The following RBFOX1 variants were observed in gnomAD, a reference collection of about 807,000 sequenced individuals.
The protein encoded by RBFOX1 is RNA binding protein fox-1 homolog 1.
In RBFOX1, 8 loss-of-function variants were observed where a neutral mutation model predicts 57.7. The ratio of observed to expected loss-of-function variants is 0.14; its 90% CI spans 0.08 to 0.25. RBFOX1 has a LOEUF of 0.25. Ranked by LOEUF, RBFOX1 falls within the 10% of genes least tolerant of loss-of-function variation. The pLI is 1.00. For synonymous variants in RBFOX1, 326 were observed against 222.4 expected, an observed-to-expected ratio of 1.47 and a Z score of -4.15; for missense variants, 611 against 548.5, an observed-to-expected ratio of 1.11 and a Z score of -1.14.
chr16:6,627,454 C>T (rs1033579362), intron 2 of RBFOX1, among the ~76,000 whole-genome samples: 1 of 152,120 alleles, frequency 6.6e-6, no homozygotes, highest in Non-Finnish European at 1.5e-5. Context: ...AGAAAAGTCT[C>T]TATGATGTTG....
chr16:6,539,918 A>G (rs1275035738), intron 2 of RBFOX1, among the ~76,000 whole-genome samples: 1 of 152,024 alleles, frequency 6.6e-6, no homozygotes, highest in Non-Finnish European at 1.5e-5. Context: ...CCACCAAGGC[A>G]AGGTAACTTT....
At chr16:6,673,938 G>A (rs1471535762) in intron 3 of RBFOX1, among the ~76,000 whole-genome samples, 6 of 152,170 alleles carry the variant, frequency 3.9e-5, no homozygotes, top group Admixed American at 3.9e-4. Flanking sequence ...CAGGTGGAAT[G>A]GATCTGCACA....
At chr16:7,254,498 C>CT (rs72529074) in intron 4 of RBFOX1, among the ~76,000 whole-genome samples, 68,882 of 150,828 alleles carry the variant, frequency 0.46, 16,068 homozygotes, top group Middle Eastern at 0.54. Context: ...CTCTCTCTCT[C>CT]TTTTTTTTTA....
At chr16:6,104,069 C>G (rs1040636924) in intron 1 of RBFOX1, among the ~76,000 whole-genome samples, 27 of 152,072 alleles carry the variant, frequency 1.8e-4, no homozygotes, top group Non-Finnish European at 3.4e-4. Flanking sequence ...ATTGTCCACT[C>G]TATCCTGAAT....
intron 3 of RBFOX1, among the ~76,000 whole-genome samples, chr16:6,667,447 G>T (rs919897089): frequency 6.6e-6 from 1 of 152,094 alleles, no homozygotes; most frequent in South Asian, 2.1e-4. Flanking sequence ...TGGCTTCCTG[G>T]TTATTTAACC....
chr16:5,391,596 G>T (rs539052495), intron 1 of RBFOX1, among the ~76,000 whole-genome samples: 221 of 152,192 alleles, frequency 1.5e-3, no homozygotes, highest in South Asian at 3.1e-3. Flanking sequence ...CTGAAATCAA[G>T]CTATCTCCAG....
At chr16:5,535,599 G>A (rs539214228) in intron 2 of RBFOX1, among the ~76,000 whole-genome samples, 1 of 152,162 alleles carries the variant, frequency 6.6e-6, no homozygotes, top group Non-Finnish European at 1.5e-5. Flanking sequence ...TCTCCCCACT[G>A]GGTCATGCTT....
chr16:6,018,976 C>T (rs369457270), upstream of RBFOX1: 67 of 613,762 alleles, frequency 1.1e-4, no homozygotes, highest in East Asian at 2.8e-3. Flanking sequence ...ACCGCGGCGG[C>T]GGCGGCGCTG....
chr16:5,938,820 G>T (rs2059222848), intron 4 of RBFOX1, among the ~76,000 whole-genome samples: 1 of 152,126 alleles, frequency 6.6e-6, no homozygotes, highest in Non-Finnish European at 1.5e-5. Context: ...GAACCACTCA[G>T]CTGAGCCTAG....
At chr16:7,051,214 A>C (rs983972522) in intron 3 of RBFOX1, among the ~76,000 whole-genome samples, 1 of 152,204 alleles carries the variant, frequency 6.6e-6, no homozygotes, top group South Asian at 2.1e-4. Context: ...AGTGGAGTCT[A>C]CCAGCTCCTG....
chr16:6,109,929 C>G (rs980642157), intron 1 of RBFOX1, among the ~76,000 whole-genome samples: 2 of 152,052 alleles, frequency 1.3e-5, no homozygotes, highest in Non-Finnish European at 2.9e-5. Context: ...CCAGTTGTAG[C>G]CCTGTGGTTT....
intron 4 of RBFOX1, among the ~76,000 whole-genome samples, chr16:7,377,143 C>T (rs1449184283): frequency 1.3e-5 from 2 of 152,174 alleles, no homozygotes; most frequent in African/African-American, 4.8e-5. Flanking sequence ...CCTTTTATAT[C>T]AGTTTAAATG....
At chr16:7,481,289 T>C (rs1413942929) in intron 4 of RBFOX1, among the ~76,000 whole-genome samples, 6 of 152,212 alleles carry the variant, frequency 3.9e-5, no homozygotes, top group African/African-American at 9.7e-5. Context: ...TTGTGGATAA[T>C]AGAAATCGCA....
At chr16:7,343,342 C>A (rs1028726958) in intron 4 of RBFOX1, among the ~76,000 whole-genome samples, 2 of 152,038 alleles carry the variant, frequency 1.3e-5, no homozygotes, top group African/African-American at 4.8e-5. Context: ...AGTGTCCAGG[C>A]AAGGGAGGAG....
Position 7,702,378 on chromosome 16 carries a change from C to G in RBFOX1, c.996-6678C>G, listed in dbSNP as rs373581966. ...CAGAATCCCCAAGAAGCTGAGGGGACCTCTCTGCAGTTGCAGAATTGCCAA... is the reference window on the plus strand; with the variant it reads ...CAGAATCCCCAAGAAGCTGAGGGGAGCTCTCTGCAGTTGCAGAATTGCCAA... On this transcript the variant is annotated intron_variant, in intron 14 of 15. Coordinates refer to ENST00000550418, the MANE Select transcript of RBFOX1 (RefSeq NM_018723.4). Among the ~76,000 whole-genome samples, 180 of 152,016 alleles carry G rather than the reference C, an allele frequency of 1.2e-3. 5 individuals carry two copies. In the South Asian group the frequency reaches 0.036, roughly 30 times the overall value.
At chr16:7,196,818 A>T (rs1040851711) in intron 4 of RBFOX1, among the ~76,000 whole-genome samples, 8 of 152,120 alleles carry the variant, frequency 5.3e-5, no homozygotes, top group African/African-American at 1.9e-4. Context: ...GATTTATGGA[A>T]GGGTGTTTCA....
Position 7,365,780 on chromosome 16 carries a change from G to C in RBFOX1, c.28-152367G>C, listed in dbSNP as rs527735420. ...AGAGATGTAAACACAACTCAAGTCA[G>C]TGTATGCAAAGTGATGACTCAACAG... On this transcript the variant is annotated intron_variant, in intron 4 of 15. Coordinates refer to ENST00000550418, the MANE Select transcript of RBFOX1 (RefSeq NM_018723.4). Among the ~76,000 whole-genome samples the C allele has an allele frequency of 1.5e-4, 23 of 152,334 alleles. 1 individual carries two copies. In the South Asian group the frequency reaches 4.8e-3, roughly 32 times the overall value.
rs78190209 is a variant in RBFOX1, at chr16:5,509,979, C to G, written c.258+42725C>G. ...GTGATGTCAGGGCACAAGTTCTGGG[C>G]TTGGAGCCAGAGTGCCTGTGTGCAG... On this transcript the variant is annotated intron_variant, in intron 2 of 2. Coordinates refer to the RBFOX1 transcript ENST00000585867. 7.8e-3 allele frequency among the ~76,000 whole-genome samples: 1,195 copies of G among 152,298 alleles called. 8 individuals are homozygous for G. Among genetic ancestry groups the G allele is most frequent in the Middle Eastern group, 0.014 (4 of 294 alleles).
chr16:7,525,933 T>A (rs2078602674), intron 5 of RBFOX1, among the ~76,000 whole-genome samples: 1 of 152,148 alleles, frequency 6.6e-6, no homozygotes, highest in African/African-American at 2.4e-5. Flanking sequence ...TCTCCAGCTG[T>A]CTTCTAAAAT....
Sources: gnomAD v4.1 joint callset for allele counts (sites outside exome capture counted in the v4.1 genomes callset) on GRCh38, gnomAD v4.1.1 for gene constraint, MANE v1.5 for transcripts, NCBI Gene and HGNC (gene_info 2026-07-23, HGNC 2026-07-21) for gene names.